The following SLC8A1 variants were observed in gnomAD, a reference collection of about 807,000 sequenced individuals.
SLC8A1 encodes the protein solute carrier family 8 member A1.
A neutral mutation model predicts 68.3 loss-of-function variants in SLC8A1; 18 were observed. The observed-to-expected ratio is 0.26, with a 90% confidence interval of 0.18 to 0.39. SLC8A1 has a LOEUF of 0.39. Ranked by LOEUF, SLC8A1 falls within the 10% of genes least tolerant of loss-of-function variation. SLC8A1 has a pLI of 1.00. For missense variants in SLC8A1, 985 were observed against 1,156.7 expected, an observed-to-expected ratio of 0.85 and a Z score of 2.15; for synonymous variants, 475 against 415.5, an observed-to-expected ratio of 1.14 and a Z score of -1.74.
chr2:40,242,995 A>T (rs913902819), intron 2 of SLC8A1, among the ~76,000 whole-genome samples: 49 of 152,200 alleles, frequency 3.2e-4, no homozygotes, highest in African/African-American at 1.1e-3. Flanking sequence ...TATACAAGGT[A>T]GTTCTGCCAA....
chr2:40,277,275 T>C (rs545683267), intron 2 of SLC8A1, among the ~76,000 whole-genome samples: 1 of 152,216 alleles, frequency 6.6e-6, no homozygotes, highest in African/African-American at 2.4e-5. Context: ...GCACGGTAGC[T>C]CACGCCTATA....
intron 7 of SLC8A1, among the ~76,000 whole-genome samples, chr2:40,135,438 T>G (rs1247725966): frequency 6.6e-6 from 1 of 152,036 alleles, no homozygotes; most frequent in Non-Finnish European, 1.5e-5. Flanking sequence ...CCAGGTGCAG[T>G]GGCTCACTCC....
chr2:40,164,733 C>T (rs976404429), intron 5 of SLC8A1, 121 bp downstream of exon 8: 1 of 1,331,886 alleles, frequency 7.5e-7, no homozygotes, highest in Non-Finnish European at 1.0e-6. Context: ...AATTCACAAG[C>T]CAGTTCCTGA....
chr2:40,283,828 G>C (rs914142291), intron 2 of SLC8A1, among the ~76,000 whole-genome samples: 3 of 152,128 alleles, frequency 2.0e-5, no homozygotes, highest in Admixed American at 6.6e-5. Context: ...TCATTGACAA[G>C]AAAGGCTGGA....
intron 2 of SLC8A1, among the ~76,000 whole-genome samples, chr2:40,265,301 G>T (rs1367908212): frequency 6.6e-6 from 1 of 152,138 alleles, no homozygotes; most frequent in Non-Finnish European, 1.5e-5. Flanking sequence ...AAACTATTAA[G>T]ATCTAGCATT....
intron 7 of SLC8A1, among the ~76,000 whole-genome samples, chr2:40,122,525 T>G (rs1435420802): frequency 6.6e-6 from 1 of 152,212 alleles, no homozygotes; most frequent in Non-Finnish European, 1.5e-5. Flanking sequence ...CACCTGCTTC[T>G]AGTCACTTTT....
At chr2:40,402,808 T>C (rs1413977207) in intron 2 of SLC8A1, among the ~76,000 whole-genome samples, 1 of 152,220 alleles carries the variant, frequency 6.6e-6, no homozygotes, top group Non-Finnish European at 1.5e-5. Context: ...ATCATTCAAC[T>C]ACTCAACTTG....
chr2:40,415,897 CACACACACACACACAT>C, intron 2 of SLC8A1, among the ~76,000 whole-genome samples: 1 of 149,276 alleles, frequency 6.7e-6, no homozygotes, highest in Middle Eastern at 3.4e-3. Flanking sequence ...CACACACACA[CACACACACACACACAT>C]TAGCTGGGCG....
At chr2:40,464,228 T>G (rs2149896471) in intron 1 of SLC8A1, among the ~76,000 whole-genome samples, 1 of 152,278 alleles carries the variant, frequency 6.6e-6, no homozygotes, top group Middle Eastern at 3.4e-3. Flanking sequence ...TTTCGGGCAG[T>G]TCCCTGAACC....
In SLC8A1 at chr2:40,488,828, A is replaced by C. The variant is rs938288384; in HGVS notation, c.-25+23521T>G. Among the ~76,000 whole-genome samples the C allele has an allele frequency of 1.4e-4, 22 of 152,228 alleles. 1 individual carries two copies. In the East Asian group the frequency reaches 4.3e-3, roughly 29 times the overall value. The stretch of plus-strand genomic sequence containing the variant: ...CTTATAATTCTTAATATCTTTATTG[A>C]AATAGTTCAGTAGGAGTGAAGAGAG... On this transcript the variant is annotated intron_variant, in intron 1 of 7. Transcript: ENST00000402441.
At chr2:40,270,086 T>C (rs1173413568) in intron 2 of SLC8A1, among the ~76,000 whole-genome samples, 1 of 152,194 alleles carries the variant, frequency 6.6e-6, no homozygotes, top group East Asian at 1.9e-4. Flanking sequence ...CTAGCTCTCA[T>C]GTAAGCTATG....
chr2:40,330,450 A>C (rs1231861414), intron 2 of SLC8A1, among the ~76,000 whole-genome samples: 1 of 152,256 alleles, frequency 6.6e-6, no homozygotes. Context: ...GCAATGTCTA[A>C]GGCTGACTAC....
At chr2:40,216,197 T>G (rs2057454612) in intron 2 of SLC8A1, among the ~76,000 whole-genome samples, 1 of 152,036 alleles carries the variant, frequency 6.6e-6, no homozygotes, top group African/African-American at 2.4e-5. Context: ...GTGTTCCCCC[T>G]CCCTGTGTCC....
chr2:40,496,613 T>C (rs1236467457), intron 1 of SLC8A1, among the ~76,000 whole-genome samples: 2 of 151,990 alleles, frequency 1.3e-5, no homozygotes, highest in Non-Finnish European at 1.5e-5. Context: ...CCGAATTACT[T>C]TCTCGTCTGT....
intron 2 of SLC8A1, among the ~76,000 whole-genome samples, chr2:40,239,726 A>G (rs561506470): frequency 1.1e-4 from 16 of 152,340 alleles, no homozygotes; most frequent in African/African-American, 3.8e-4. Context: ...TCTTTCATAA[A>G]GGAAAGAAAT....
chr2:40,500,795 CTTTTTTTTTTTT>C (rs1191619172), intron 1 of SLC8A1, among the ~76,000 whole-genome samples: 2,056 of 37,326 alleles, frequency 0.055, 86 homozygotes, highest in African/African-American at 0.17. Flanking sequence ...TATCATCTGA[CTTTTTTTTTTTT>C]TTTTTTTTTT....
intron 7 of SLC8A1, among the ~76,000 whole-genome samples, chr2:40,135,537 G>A (rs2040343167): frequency 6.6e-6 from 1 of 151,914 alleles, no homozygotes; most frequent in African/African-American, 2.4e-5. Flanking sequence ...GACCAATACG[G>A]TGAAATCCTC....
chr2:40,122,740 C>T (rs1195080871), intron 7 of SLC8A1, among the ~76,000 whole-genome samples: 1 of 152,148 alleles, frequency 6.6e-6, no homozygotes, highest in Non-Finnish European at 1.5e-5. Context: ...TGATGCCTCC[C>T]TTAGATTAAC....
intron 1 of SLC8A1, among the ~76,000 whole-genome samples, chr2:40,494,416 G>A (rs1287609157): frequency 6.6e-6 from 1 of 151,750 alleles, no homozygotes; most frequent in Non-Finnish European, 1.5e-5. Flanking sequence ...TTGGACATTT[G>A]GGTTGGTTCC....
Sources: gnomAD v4.1 joint callset for allele counts (sites outside exome capture counted in the v4.1 genomes callset) on GRCh38, gnomAD v4.1.1 for gene constraint, MANE v1.5 for transcripts, NCBI Gene and HGNC (gene_info 2026-07-23, HGNC 2026-07-21) for gene names.